Variants in PHF20 observed in about 807,000 individuals in gnomAD.
PHF20 encodes PHD finger protein 20, also known as glioma-expressed antigen 2.
PHF20 carries 23 observed loss-of-function variants against 113.5 expected under a neutral mutation model. That is an observed-to-expected ratio of 0.20 (90% CI 0.15 to 0.29). The LOEUF (loss-of-function observed/expected upper bound fraction) is 0.29. Ranked by LOEUF, PHF20 falls within the 10% of genes least tolerant of loss-of-function variation. PHF20 has a pLI of 1.00. For synonymous variants in PHF20, 434 were observed against 457.3 expected, an observed-to-expected ratio of 0.95 and a Z score of 0.65; for missense variants, 943 against 1,219.6, an observed-to-expected ratio of 0.77 and a Z score of 3.38.
chr20:35,861,838 C>T (rs563414066), intron 5 of PHF20, among the ~76,000 whole-genome samples: 16 of 152,192 alleles, frequency 1.1e-4, no homozygotes, highest in Admixed American at 8.5e-4. Flanking sequence ...CCCTGTAGAA[C>T]AAATTAAACT....
chr20:35,798,064 A>G (rs1308541972), intron 1 of PHF20, among the ~76,000 whole-genome samples: 1 of 152,218 alleles, frequency 6.6e-6, no homozygotes, highest in Non-Finnish European at 1.5e-5. Context: ...AGTATTTAAG[A>G]AGAAAGGAAC....
At chr20:35,775,747 C>CT (rs1277261474) in intron 1 of PHF20, among the ~76,000 whole-genome samples, 1 of 85,084 alleles carries the variant, frequency 1.2e-5, no homozygotes, top group African/African-American at 4.7e-5. Flanking sequence ...GAGTGAGACT[C>CT]TGTCTCCAAA....
chr20:35,842,487 A>C, intron 2 of PHF20, 86 bp from the exon 3 acceptor site: 2 of 1,216,602 alleles, frequency 1.6e-6, no homozygotes, highest in South Asian at 2.9e-5. Context: ...CTCCTTTGGG[A>C]AGAGGTTTGG....
chr20:35,939,205 A>G (rs2055930283), intron 16 of PHF20, 97 bp downstream of exon 16: 1 of 1,306,252 alleles, frequency 7.7e-7, no homozygotes, highest in East Asian at 2.6e-5. Flanking sequence ...TTTATTAATA[A>G]AACTGTATTT....
chr20:35,929,211 A>G (rs1486407202), intron 14 of PHF20, among the ~76,000 whole-genome samples: 1 of 152,212 alleles, frequency 6.6e-6, no homozygotes, highest in East Asian at 1.9e-4. Flanking sequence ...TCATAAAGCA[A>G]ATTGGAATTA....
At chr20:35,793,827 G>C (rs1367251462) in intron 1 of PHF20, among the ~76,000 whole-genome samples, 1 of 139,714 alleles carries the variant, frequency 7.2e-6, no homozygotes, top group African/African-American at 2.7e-5. Flanking sequence ...GCGAAACACT[G>C]TCTCTACTAA....
chr20:35,944,767 A>G (rs1473564696), intron 17 of PHF20, among the ~76,000 whole-genome samples: 1 of 152,042 alleles, frequency 6.6e-6, no homozygotes, highest in Non-Finnish European at 1.5e-5. Context: ...GGGTTTCACC[A>G]TGTTGGCCAG....
Position 35,839,390 on chromosome 20 carries a change from C to CA in PHF20, c.84-3162dup, listed in dbSNP as rs752680212. Among the ~76,000 whole-genome samples the CA allele has an allele frequency of 8.7e-3, 584 of 67,062 alleles. 9 individuals carry two copies. Among genetic ancestry groups the CA allele is most frequent in the East Asian group, 0.034 (70 of 2,074 alleles). 44.0% of individuals were successfully genotyped at this position (67,062 alleles called of 152,430 possible). ...TGGGTGACAGAACGAGATTCCATCT[C>CA]AAAAAAAAAAAAAAAAAAAAAGAAA... On this transcript the variant is annotated intron_variant, in intron 2 of 17. Transcript: ENST00000374012.
chr20:35,924,987 A>G (rs888499051), intron 13 of PHF20, among the ~76,000 whole-genome samples: 3 of 152,198 alleles, frequency 2.0e-5, no homozygotes, highest in Non-Finnish European at 4.4e-5. Flanking sequence ...TCCCCATTGT[A>G]CTAATACCAT....
intron 9 of PHF20, among the ~76,000 whole-genome samples, chr20:35,897,422 A>G (rs543946408): frequency 1.4e-4 from 22 of 152,198 alleles, no homozygotes; most frequent in African/African-American, 5.3e-4. Flanking sequence ...TGTCACCTTG[A>G]GCATTTATTT....
At chr20:35,878,285 T>A (rs2054566820) in intron 9 of PHF20, among the ~76,000 whole-genome samples, 1 of 152,174 alleles carries the variant, frequency 6.6e-6, no homozygotes, top group Admixed American at 6.5e-5. Flanking sequence ...AGACTTCAGA[T>A]ACCTATGATA....
At chr20:35,851,025 C>T in intron 4 of PHF20, 2 of 359,688 alleles carry the variant, frequency 5.6e-6, no homozygotes, top group South Asian at 6.3e-5. Context: ...AACTCCTGAC[C>T]TCAAATGATC....
intron 2 of PHF20, among the ~76,000 whole-genome samples, chr20:35,841,084 T>C (rs929113899): frequency 6.6e-6 from 1 of 151,892 alleles, no homozygotes; most frequent in African/African-American, 2.4e-5. Flanking sequence ...AATTCCAGCA[T>C]TTGGGGAGGC....
At chr20:35,914,970 A>G (rs933816025) in intron 12 of PHF20, among the ~76,000 whole-genome samples, 1 of 149,812 alleles carries the variant, frequency 6.7e-6, no homozygotes, top group Non-Finnish European at 1.5e-5. Context: ...TCTCAAAAAA[A>G]AAAAAAAAAC....
At chr20:35,792,869 G>A (rs1191709480) in intron 1 of PHF20, among the ~76,000 whole-genome samples, 1 of 152,010 alleles carries the variant, frequency 6.6e-6, no homozygotes, top group African/African-American at 2.4e-5. Flanking sequence ...AGGAAATTGG[G>A]GCTGTTGATC....
chr20:35,874,896 A>G (rs941036492), intron 9 of PHF20, among the ~76,000 whole-genome samples: 1 of 152,020 alleles, frequency 6.6e-6, no homozygotes, highest in Non-Finnish European at 1.5e-5. Flanking sequence ...GACTCGCTAT[A>G]TTGAAGGCCT....
In PHF20 at chr20:35,863,236, A is replaced by G. The variant is rs779012148; in HGVS notation, c.644A>G (p.Lys215Arg). ...KGKVSEKSLPKNEKEDKENIS... is the reference protein window; with the variant it reads ...KGKVSEKSLPRNEKEDKENIS... ...AAAGTGTCAGAGAAAAGTCTTCCCA[A>G]GAACGAGAAGGAAGACAAGGAAAAC... The change falls in exon 6 of 18, where the codon AAG becomes AGG. Residue 215 changes from lysine to arginine, a missense_variant. Physicochemically the swap from Lys to Arg is conservative, Grantham distance 26. Around this residue, in one of 3 missense-constraint regions of PHF20, gnomAD observed 592 missense variants for 787.2 expected, o/e 0.75. Coordinates refer to ENST00000374012, the MANE Select transcript of PHF20 (RefSeq NM_016436.5). The G allele has an allele frequency of 1.2e-6, 2 of 1,614,202 alleles. No individual in the cohort carries two copies. Among genetic ancestry groups the G allele is most frequent in the Non-Finnish European group, 1.7e-6 (2 of 1,180,012 alleles).
At chr20:35,932,089 A>G (rs1295730370) in intron 15 of PHF20, among the ~76,000 whole-genome samples, 1 of 137,930 alleles carries the variant, frequency 7.3e-6, no homozygotes, top group East Asian at 2.2e-4. Context: ...TTTTTTTGAG[A>G]TGGAGTCTCA....
At chr20:35,868,554 C>T (rs541702605) in intron 6 of PHF20, among the ~76,000 whole-genome samples, 6 of 151,736 alleles carry the variant, frequency 4.0e-5, no homozygotes, top group Admixed American at 2.6e-4. Context: ...AGCAGTGAGC[C>T]GAGATCGTGC....
Sources: gnomAD v4.1 joint callset for allele counts (sites outside exome capture counted in the v4.1 genomes callset) on GRCh38, gnomAD v4.1.1 for gene constraint, gnomAD v4.1.1 regional missense constraint, MANE v1.5 for transcripts, NCBI Gene and HGNC (gene_info 2026-07-23, HGNC 2026-07-21) for gene names.